MPDZ: variants seen among roughly 807,000 people sequenced by gnomAD.
The protein encoded by MPDZ is multiple PDZ domain protein.
A neutral mutation model predicts 239.1 loss-of-function variants in MPDZ; 234 were observed. The observed-to-expected ratio is 0.98, with a 90% CI of 0.88 to 1.09. The LOEUF is 1.09. Ranked by LOEUF, MPDZ falls within the 50% of genes least tolerant of loss-of-function variation. MPDZ has a pLI of 0.00. For missense variants in MPDZ, 3,175 were observed against 2,510.0 expected, an observed-to-expected ratio of 1.26 and a Z score of -5.66; for synonymous variants, 1,048 against 881.3, an observed-to-expected ratio of 1.19 and a Z score of -3.35.
chr9:13,210,728 G>C (rs1302562655), intron 10 of MPDZ, among the ~76,000 whole-genome samples: 1 of 152,094 alleles, frequency 6.6e-6, no homozygotes, highest in East Asian at 1.9e-4. Context: ...ACTCAAAAGA[G>C]ACAATCTATG....
chr9:13,226,265 A>C (rs556344531), intron 3 of MPDZ, among the ~76,000 whole-genome samples: 1 of 152,246 alleles, frequency 6.6e-6, no homozygotes, highest in Non-Finnish European at 1.5e-5. Context: ...TTCTATAATT[A>C]TTTGTGTGTG....
At position 13,224,529 on chromosome 9, in the gene MPDZ, G is replaced by C. The variant is rs778734877; in HGVS notation, c.238C>G (p.Leu80Val). The C allele has an allele frequency of 6.2e-7, 1 of 1,612,674 alleles. No individual in the cohort carries two copies. The highest frequency in any genetic ancestry group is 2.2e-5 in the East Asian group (1 of 44,776). The change falls in exon 4 of 47, where the codon CTC (leucine) becomes GTC (valine). Residue 80 changes from leucine (L) to valine (V), a missense_variant. Leu to Val is a conservative substitution (Grantham distance 32). Transcript: ENST00000319217. ...SNIEYAHVPH[L>V]SPAVIPTLQN... ...AGAGTAGGAATCACAGCTGGGCTGA[G>C]ATGAGGAACGTGGGCATATTCAATA...
chr9:13,165,540 T>C, intron 22 of MPDZ: 7 of 888,008 alleles, frequency 7.9e-6, no homozygotes, highest in Non-Finnish European at 6.7e-6. Context: ...TTTCCCCCTT[T>C]CCACCTCCCT....
chr9:13,166,717 T>C (rs184121721), intron 22 of MPDZ, among the ~76,000 whole-genome samples: 2 of 152,080 alleles, frequency 1.3e-5, no homozygotes, highest in African/African-American at 4.8e-5. Flanking sequence ...ATACCCTTCA[T>C]AGTCATAATA....
At chr9:13,168,244 T>G (rs1472206200) in intron 22 of MPDZ, 122 bp downstream of exon 22, 1 of 888,932 alleles carries the variant, frequency 1.1e-6, no homozygotes, top group East Asian at 2.5e-5. Flanking sequence ...TCTTGAGTGA[T>G]TTATGTTAAA....
At position 13,125,205 on chromosome 9, in the gene MPDZ, A is replaced by C. The variant is rs765493911; in HGVS notation, c.4807+11T>G. On this transcript the variant is annotated intron_variant, in intron 35 of 46. Transcript: ENST00000319217. ...ATATGTGCAGGACTCTCATGAGTCCAGAGGCCTTACTTCGGATGGACTCCG... is the reference window on the plus strand; with the variant it reads ...ATATGTGCAGGACTCTCATGAGTCCCGAGGCCTTACTTCGGATGGACTCCG... 3 of 1,579,704 alleles carry C rather than the reference A, an allele frequency of 1.9e-6. No individual in the cohort carries two copies. The highest frequency in any genetic ancestry group is 1.2e-5 in the South Asian group (1 of 86,148).
chr9:13,173,886 G>C (rs4740546), intron 21 of MPDZ, among the ~76,000 whole-genome samples: 151,684 of 152,234 alleles, frequency 1, 75,569 homozygotes, highest in Middle Eastern at 1. Context: ...CTACATGAAG[G>C]ATAAGGCAGT....
At chr9:13,159,054 G>A (rs57885547) in intron 23 of MPDZ, among the ~76,000 whole-genome samples, 1,690 of 152,218 alleles carry the variant, frequency 0.011, 29 homozygotes, top group African/African-American at 0.038. Flanking sequence ...AGAATCAAAA[G>A]AAAGTATGTA....
At chr9:13,243,894 T>C (rs1379464153) in intron 3 of MPDZ, among the ~76,000 whole-genome samples, 1 of 152,202 alleles carries the variant, frequency 6.6e-6, no homozygotes, top group Non-Finnish European at 1.5e-5. Flanking sequence ...CCAAAAAGTC[T>C]GAAGGTCACT....
At chr9:13,261,587 T>G (rs747268530) in intron 1 of MPDZ, among the ~76,000 whole-genome samples, 1 of 152,078 alleles carries the variant, frequency 6.6e-6, no homozygotes. Flanking sequence ...TAATTAATAA[T>G]CCTACAGGAG....
intron 1 of MPDZ, among the ~76,000 whole-genome samples, chr9:13,252,284 T>C (rs1376541541): frequency 6.6e-6 from 1 of 152,056 alleles, no homozygotes; most frequent in Admixed American, 6.6e-5. Context: ...AACACATAAA[T>C]AGGCCGGGCG....
chr9:13,152,668 T>C lies in MPDZ; in HGVS notation c.3453-1980A>G, dbSNP rs553424304. On this transcript the variant is annotated intron_variant, in intron 24 of 46. Coordinates refer to ENST00000319217, the MANE Select transcript of MPDZ (RefSeq NM_001378778.1). ...ACTAATATACCTGCCATGGGCTCTG[T>C]ACTTTCCTCTCTCCACTCTAGCTAC... Among the ~76,000 whole-genome samples, 7 of 152,162 alleles carry C rather than the reference T, an allele frequency of 4.6e-5. 1 individual carries two copies. The South Asian group carries it at 1.5e-3, about 32-fold the overall frequency.
rs1280620714 is a variant in MPDZ, at chr9:13,123,156, C to T, written c.4950G>A (p.Leu1650=). Reference sequence around the variant, plus strand: ...AGCACCTCTGGGTGGTGCTCACCAGCAGCGTGTCTGAACCCCCAACGATGC... The same window carrying T: ...AGCACCTCTGGGTGGTGCTCACCAGTAGCGTGTCTGAACCCCCAACGATGC... The part of the protein sequence containing the change: ...GLSIVGGSDT[L]LGAIIIHEVY... The change falls in exon 36 of 47, where the codon CTG becomes CTA. Residue 1650 remains leucine, a synonymous_variant. Transcript: ENST00000319217. The T allele has an allele frequency of 2.5e-6, 4 of 1,611,582 alleles. No individual in the cohort carries two copies. Among genetic ancestry groups the T allele is most frequent in the African/African-American group, 2.7e-5 (2 of 74,838 alleles).
Position 13,121,765 on chromosome 9 carries a change from G to C in MPDZ, c.5205C>G (p.Gly1735=). The C allele has an allele frequency of 6.2e-7, 1 of 1,613,846 alleles. No homozygotes were observed. Among genetic ancestry groups the C allele is most frequent in the South Asian group, 1.1e-5 (1 of 91,070 alleles). The change falls in exon 38 of 47, where the codon GGC becomes GGG. Residue 1735 remains glycine (G), a synonymous_variant. Transcript: ENST00000319217. ...TTTTACCAACAATACTTAATCCTAG[G>C]CCTTTTCCCGGCTTCTTCTGCAGCT... ...TIELQKKPGK[G]LGLSIVGKRN... is the part of the protein sequence containing the mutation.
At chr9:13,112,276 G>C in intron 42 of MPDZ, 130 bp from the exon 43 acceptor site, 1 of 902,322 alleles carries the variant, frequency 1.1e-6, no homozygotes, top group Non-Finnish European at 1.6e-6. Flanking sequence ...AGAAGTGCAA[G>C]AAAACTGCAT....
chr9:13,198,735 C>CTGTGTGTGTGTG (rs1243812686), intron 12 of MPDZ, among the ~76,000 whole-genome samples: 322 of 17,034 alleles, frequency 0.019, 4 homozygotes, highest in African/African-American at 0.024. Context: ...TAATCTCTCT[C>CTGTGTGTGTGTG]TCTGTGTGTG....
rs1587870938 is a variant in MPDZ at position 13,216,875 on chromosome 9, A to G, written c.1202-13T>C. On this transcript the variant is annotated splice_polypyrimidine_tract_variant and intron_variant, in intron 9 of 46. Coordinates refer to ENST00000319217, the MANE Select transcript of MPDZ (RefSeq NM_001378778.1). Reference sequence around the variant, plus strand: ...ATTCCTGAAGGTTCTAAGATTAGAAATAGTTTATTTTTCACAATTTTCAAA... The same window carrying G: ...ATTCCTGAAGGTTCTAAGATTAGAAGTAGTTTATTTTTCACAATTTTCAAA... 6.3e-7 allele frequency: 1 copy of G among 1,594,196 alleles called. No individual in the cohort carries two copies. Among genetic ancestry groups the G allele is most frequent in the Non-Finnish European group, 8.6e-7 (1 of 1,166,518 alleles).
At chr9:13,214,597 T>A (rs1031799296) in intron 10 of MPDZ, among the ~76,000 whole-genome samples, 1 of 152,036 alleles carries the variant, frequency 6.6e-6, no homozygotes, top group African/African-American at 2.4e-5. Flanking sequence ...ATCAAGCTTA[T>A]TTTTTTAAAA....
At chr9:13,183,977 T>A (rs1263555106) in intron 18 of MPDZ, among the ~76,000 whole-genome samples, 1 of 152,040 alleles carries the variant, frequency 6.6e-6, no homozygotes, top group African/African-American at 2.4e-5. Flanking sequence ...AATAAACTGT[T>A]ATTCAATGAG....
Sources: gnomAD v4.1 joint callset for allele counts (sites outside exome capture counted in the v4.1 genomes callset) on GRCh38, gnomAD v4.1.1 for gene constraint, MANE v1.5 for transcripts, NCBI Gene and HGNC (gene_info 2026-07-23, HGNC 2026-07-21) for gene names.